The following ALG14 variants were observed in gnomAD, a reference collection of about 807,000 sequenced individuals.
ALG14 encodes the protein UDP-N-acetylglucosamine transferase subunit ALG14.
A neutral mutation model predicts 22.8 loss-of-function variants in ALG14; 17 were observed. The observed-to-expected ratio is 0.75, with a 90% confidence interval of 0.51 to 1.12. The LOEUF (loss-of-function observed/expected upper bound fraction) is 1.12. Among genes scored for constraint, ALG14 ranks in the 50% most tolerant of loss-of-function variants. The pLI, the probability that ALG14 is intolerant of heterozygous loss-of-function variation, is 0.00. For synonymous variants in ALG14, 89 were observed against 103.7 expected (o/e 0.86, Z 0.86); for missense variants, 288 against 271.8 (o/e 1.06, Z -0.42).
chr1:95,066,281 T>C (rs550931681), intron 1 of ALG14, among the ~76,000 whole-genome samples: 2 of 152,104 alleles, frequency 1.3e-5, no homozygotes, highest in Admixed American at 6.5e-5. Context: ...TGGAATACAA[T>C]TGTGTGATCT....
intron 2 of ALG14, among the ~76,000 whole-genome samples, chr1:95,054,520 G>A (rs540363336): frequency 3.9e-5 from 6 of 152,146 alleles, no homozygotes; most frequent in Non-Finnish European, 7.4e-5. Flanking sequence ...TAAATTACCC[G>A]GTCTTGGGTA....
In ALG14 at chr1:94,978,796, CCT is replaced by C. The variant is rs1334103153; in HGVS notation, c.*4278_*4279del. 11 of 151,514 alleles carry C rather than the reference CCT, an allele frequency of 7.3e-5. No individual in the cohort carries two copies. The highest frequency in any genetic ancestry group is 1.2e-4 in the Non-Finnish European group (8 of 67,972). 9.4% of individuals were successfully genotyped at this position (151,514 alleles called of 1,614,324 possible). A position where few individuals can be genotyped will look rare whatever the true frequency, so the allele number is the denominator to read the frequency against. ...ACTACCTTCTACTCCGTCATAGTAC[CCT>C]GTTACCCCATTTATTTCCTTTTGAG... On this transcript the variant is annotated 3_prime_UTR_variant, in exon 4 of 4. Coordinates refer to ENST00000370205, the MANE Select transcript of ALG14 (RefSeq NM_144988.4).
chr1:95,064,673 C>G (rs552135576), intron 2 of ALG14, among the ~76,000 whole-genome samples, 193 bp downstream of exon 2: 1 of 152,106 alleles, frequency 6.6e-6, no homozygotes, highest in South Asian at 2.1e-4. Flanking sequence ...TGCTAAGCAA[C>G]CATTTTTTAA....
At chr1:95,032,221 C>A (rs1288396184) in intron 2 of ALG14, among the ~76,000 whole-genome samples, 2 of 151,690 alleles carry the variant, frequency 1.3e-5, no homozygotes, top group Non-Finnish European at 2.9e-5. Context: ...TATGTCATTA[C>A]ACAGTAATAT....
intron 1 of ALG14, among the ~76,000 whole-genome samples, chr1:95,069,918 C>A (rs2100851123): frequency 6.6e-6 from 1 of 152,280 alleles, no homozygotes; most frequent in Non-Finnish European, 1.5e-5. Flanking sequence ...ATTATCCGAG[C>A]TGGGGAGCTG....
At chr1:95,036,107 T>C (rs1264010203) in intron 2 of ALG14, among the ~76,000 whole-genome samples, 1 of 152,186 alleles carries the variant, frequency 6.6e-6, no homozygotes, top group Non-Finnish European at 1.5e-5. Flanking sequence ...TGAAATGCCA[T>C]GAAGTGTCAT....
Position 95,027,244 on chromosome 1 carries a change from A to T in ALG14, c.305T>A (p.Ile102Asn), listed in dbSNP as rs1230132413. The T allele has an allele frequency of 6.2e-7, 1 of 1,614,156 alleles. No individual in the cohort carries two copies. The highest frequency in any genetic ancestry group is 1.7e-5 in the Admixed American group (1 of 60,028). ...DPSNMYTKYY[I>N]HRIPRSREVQ... ...CTCCCGGCTTCTTGGAATTCGGTGA[A>T]TGTAGTATTTGGTATACTAGAAGGA... The change falls in exon 3 of 4, where the codon ATT becomes AAT. Residue 102 changes from isoleucine (I) to asparagine (N), a missense_variant. Ile to Asn is a moderately radical substitution (Grantham distance 149). Coordinates refer to ENST00000370205, the MANE Select transcript of ALG14 (RefSeq NM_144988.4).
chr1:94,993,730 C>T (rs1016189134), intron 3 of ALG14, among the ~76,000 whole-genome samples: 4 of 152,178 alleles, frequency 2.6e-5, no homozygotes. Flanking sequence ...ATTTTGCCCT[C>T]GTACTAGACT....
intron 1 of ALG14, among the ~76,000 whole-genome samples, chr1:95,070,992 C>T (rs541476323): frequency 2.1e-4 from 32 of 152,272 alleles, no homozygotes; most frequent in African/African-American, 7.0e-4. Flanking sequence ...CCGCCTGTAT[C>T]GGCCTCCCAA....
At chr1:95,001,276 G>GT (rs1296535202) in intron 3 of ALG14, among the ~76,000 whole-genome samples, 3 of 152,106 alleles carry the variant, frequency 2.0e-5, no homozygotes, top group East Asian at 1.9e-4. Context: ...GCCCCCATGG[G>GT]TTTTTTCACT....
At chr1:95,043,193 G>C (rs1429521659) in intron 2 of ALG14, among the ~76,000 whole-genome samples, 3 of 151,936 alleles carry the variant, frequency 2.0e-5, no homozygotes, top group Non-Finnish European at 4.4e-5. Flanking sequence ...AGTTCCTTTC[G>C]TTAGTTTTCT....
At chr1:95,048,363 G>A (rs907938201) in intron 2 of ALG14, among the ~76,000 whole-genome samples, 12 of 151,936 alleles carry the variant, frequency 7.9e-5, no homozygotes, top group African/African-American at 2.7e-4. Flanking sequence ...ATATGTCACC[G>A]AGCTTTTTTC....
chr1:95,016,890 G>A (rs1402731071), intron 3 of ALG14, among the ~76,000 whole-genome samples: 1 of 150,786 alleles, frequency 6.6e-6, no homozygotes, highest in Non-Finnish European at 1.5e-5. Context: ...CACTATTTAG[G>A]GCTGCTTAAC....
At chr1:95,022,547 A>G (rs1673695079) in intron 3 of ALG14, among the ~76,000 whole-genome samples, 1 of 152,222 alleles carries the variant, frequency 6.6e-6, no homozygotes, top group African/African-American at 2.4e-5. Context: ...TATGGAGAGG[A>G]AACACACAGT....
intron 2 of ALG14, among the ~76,000 whole-genome samples, chr1:95,059,226 G>A (rs1017582081): frequency 1.5e-4 from 22 of 151,700 alleles, no homozygotes; most frequent in African/African-American, 4.8e-4. Context: ...GGGAAACCCC[G>A]TCTCTACTAA....
chr1:95,039,358 T>C (rs937958448), intron 2 of ALG14, among the ~76,000 whole-genome samples: 3 of 151,948 alleles, frequency 2.0e-5, no homozygotes, highest in African/African-American at 2.4e-5. Flanking sequence ...AGGGCAATCA[T>C]TGGGGAGATC....
At chr1:95,003,223 T>G (rs1003992753) in intron 3 of ALG14, among the ~76,000 whole-genome samples, 1 of 152,160 alleles carries the variant, frequency 6.6e-6, no homozygotes, top group Non-Finnish European at 1.5e-5. Flanking sequence ...GTGAATGAAC[T>G]GCAGGGCAGT....
chr1:95,000,535 TAAAAAAAA>T (rs71588535), intron 3 of ALG14, among the ~76,000 whole-genome samples: 2 of 70,618 alleles, frequency 2.8e-5, no homozygotes, highest in Non-Finnish European at 5.2e-5. Flanking sequence ...GACCCTGTCC[TAAAAAAAA>T]AAAAAAAAAA....
intron 1 of ALG14, among the ~76,000 whole-genome samples, chr1:95,065,548 T>C (rs964551117): frequency 3.3e-5 from 5 of 152,138 alleles, no homozygotes; most frequent in African/African-American, 4.8e-5. Context: ...GAAACATGTG[T>C]TCAAAGAGTG....
Sources: allele counts gnomAD v4.1 joint callset (sites outside exome capture counted in the v4.1 genomes callset), GRCh38; gene constraint gnomAD v4.1.1; transcripts MANE v1.5; gene names NCBI Gene and HGNC (gene_info 2026-07-23, HGNC 2026-07-21).